The following SRRM4 variants were observed in gnomAD, a reference collection of about 807,000 sequenced individuals.
SRRM4 encodes the protein serine/arginine repetitive matrix 4.
SRRM4 carries 33 observed loss-of-function variants against 68.9 expected under a neutral mutation model. That is an observed-to-expected ratio of 0.48 (90% confidence interval 0.36 to 0.64). The LOEUF (loss-of-function observed/expected upper bound fraction) is 0.64, where lower values mean the gene tolerates loss of function less well. Ranked by LOEUF, SRRM4 falls within the 30% of genes least tolerant of loss-of-function variation. SRRM4 has a pLI of 0.00. For synonymous variants in SRRM4, 318 were observed against 318.8 expected (o/e 1.00, Z 0.03); for missense variants, 817 against 827.1 (o/e 0.99, Z 0.15).
rs368978413 is a variant in SRRM4 at position 119,130,834 on chromosome 12, A to G, written c.771A>G (p.Val257=). 3.7e-6 allele frequency: 6 copies of G among 1,602,606 alleles called. No homozygotes were observed. The highest frequency in any genetic ancestry group is 1.1e-5 in the South Asian group (1 of 90,564). ...TTGGCTACCTGTCAGCCAGGGGTGTAGTAAGTATTCTTCACAGCCTCCTCT... is the reference window on the plus strand; with the variant it reads ...TTGGCTACCTGTCAGCCAGGGGTGTGGTAAGTATTCTTCACAGCCTCCTCT... The part of the protein sequence containing the change: ...QMLGYLSARG[V]ITGSGSAADL... Residue 257 remains valine (V), a splice_region_variant and synonymous_variant, in exon 8 of 13, where the codon GTA becomes GTG. Coordinates refer to ENST00000267260, the MANE Select transcript of SRRM4 (RefSeq NM_194286.4).
chr12:119,119,884 A>G (rs1046014960), intron 4 of SRRM4, among the ~76,000 whole-genome samples: 3 of 152,016 alleles, frequency 2.0e-5, no homozygotes, highest in African/African-American at 7.2e-5. Flanking sequence ...AGATTTACTG[A>G]CAGTTTTGGG....
chr12:119,097,129 T>C (rs965044990), intron 1 of SRRM4, among the ~76,000 whole-genome samples: 5 of 152,180 alleles, frequency 3.3e-5, no homozygotes, highest in South Asian at 4.1e-4. Flanking sequence ...CTTTTAAGTA[T>C]TTTTTAAATG....
intron 1 of SRRM4, among the ~76,000 whole-genome samples, chr12:119,040,503 C>T (rs1462726107): frequency 6.6e-6 from 1 of 152,210 alleles, no homozygotes; most frequent in East Asian, 1.9e-4. Flanking sequence ...CCAGTCTCAT[C>T]CAGGTCATTG....
rs1953838821 is a variant in SRRM4 at position 119,065,285 on chromosome 12, T to G, written c.132-36951T>G. On this transcript the variant is annotated intron_variant, in intron 1 of 12. Transcript: ENST00000267260. ...CACTGTTCTGAGTTGACCCCTGCCC[T>G]CCATCAAAAATGTAGACAGCTCCAA... 4.6e-5 allele frequency among the ~76,000 whole-genome samples: 7 copies of G among 152,282 alleles called. No individual in the cohort carries two copies. In the South Asian group the frequency reaches 1.5e-3, roughly 32 times the overall value.
intron 8 of SRRM4, among the ~76,000 whole-genome samples, chr12:119,135,868 G>A (rs933546171): frequency 5.3e-5 from 8 of 152,052 alleles, no homozygotes; most frequent in African/African-American, 1.2e-4. Flanking sequence ...GCCATTTCAC[G>A]TCTTTGGGCC....
rs890362438 is a variant in SRRM4, at chr12:119,130,580, A to C, written c.615-98A>C. 2.0e-5 allele frequency: 25 copies of C among 1,257,128 alleles called. No homozygotes were observed. The African/African-American group carries it at 2.7e-4, about 14-fold the overall frequency. The allele number at this position is 1,257,128 out of a possible 1,614,324, so 77.9% of individuals were successfully genotyped here. A position where few individuals can be genotyped will look rare whatever the true frequency, so the allele number is the denominator to read the frequency against. The stretch of plus-strand genomic sequence containing the variant: ...ATATGAACATATACAAACACCCCCA[A>C]ACACACTTTATCATCCTCAGATCCT... On this transcript the variant is annotated intron_variant, in intron 7 of 12. Coordinates refer to ENST00000267260, the MANE Select transcript of SRRM4 (RefSeq NM_194286.4).
chr12:118,994,920 A>C (rs1300315021), intron 1 of SRRM4, among the ~76,000 whole-genome samples: 1 of 152,206 alleles, frequency 6.6e-6, no homozygotes, highest in East Asian at 1.9e-4. Flanking sequence ...TAAACCTCAC[A>C]GTTCATGGGT....
At chr12:119,025,045 G>A (rs1477876615) in intron 1 of SRRM4, among the ~76,000 whole-genome samples, 1 of 152,178 alleles carries the variant, frequency 6.6e-6, no homozygotes. Context: ...ATGGATGGGT[G>A]CTTTGATGGA....
At chr12:118,996,567 C>T (rs1248778031) in intron 1 of SRRM4, among the ~76,000 whole-genome samples, 1 of 152,172 alleles carries the variant, frequency 6.6e-6, no homozygotes, top group Non-Finnish European at 1.5e-5. Context: ...CAAGGTCATG[C>T]AAGTTAATAC....
At chr12:119,002,125 C>T (rs894794775) in intron 1 of SRRM4, among the ~76,000 whole-genome samples, 1 of 152,076 alleles carries the variant, frequency 6.6e-6, no homozygotes, top group East Asian at 1.9e-4. Context: ...TTCAATGTGG[C>T]CCTGAGGGGT....
intron 6 of SRRM4, among the ~76,000 whole-genome samples, chr12:119,124,823 G>C (rs917025455): frequency 6.6e-6 from 1 of 150,876 alleles, no homozygotes; most frequent in Non-Finnish European, 1.5e-5. Context: ...GCCCAAAAAG[G>C]TGCCTTTAAA....
Position 119,151,072 on chromosome 12 carries a change from C to A in SRRM4, c.1132C>A (p.Pro378Thr). Residue 378 changes from proline (P) to threonine (T), a missense_variant, in exon 10 of 13, where the codon CCA becomes ACA. Pro to Thr is a conservative substitution (Grantham distance 38, BLOSUM62 -1). Transcript: ENST00000267260. ...CGAAGTGAAGAAGTCCAGTTTGGTC[C>A]CATCCACAGCCCGGAGCTCACCCAT... The part of the protein sequence containing the change: ...CAEVKKSSLV[P>T]STARSSPMKG... 2.5e-6 allele frequency: 4 copies of A among 1,613,954 alleles called. No individual in the cohort carries two copies. The highest frequency in any genetic ancestry group is 3.4e-6 in the Non-Finnish European group (4 of 1,179,898).
At chr12:119,078,029 G>T (rs1400118361) in intron 1 of SRRM4, among the ~76,000 whole-genome samples, 1 of 105,086 alleles carries the variant, frequency 9.5e-6, no homozygotes, top group African/African-American at 3.1e-5. Flanking sequence ...ATCCAGCTGA[G>T]GTCTTATTCA....
chr12:119,121,232 G>C (rs1341183661), intron 5 of SRRM4, among the ~76,000 whole-genome samples: 3 of 152,124 alleles, frequency 2.0e-5, no homozygotes, highest in Non-Finnish European at 4.4e-5. Flanking sequence ...CCTGTGGCTG[G>C]CTTCAAGGTG....
chr12:119,090,887 C>T (rs1420044807), intron 1 of SRRM4, among the ~76,000 whole-genome samples: 11 of 152,152 alleles, frequency 7.2e-5, no homozygotes, highest in Non-Finnish European at 1.6e-4. Context: ...ACAAGGAGAC[C>T]CCTCTGGTGG....
chr12:119,147,806 C>T (rs942957813), intron 9 of SRRM4, among the ~76,000 whole-genome samples: 1 of 152,186 alleles, frequency 6.6e-6, no homozygotes, highest in Non-Finnish European at 1.5e-5. Context: ...AATTCTACTT[C>T]GTCATCCGCT....
At chr12:119,029,668 G>A (rs1328143825) in intron 1 of SRRM4, among the ~76,000 whole-genome samples, 1 of 152,144 alleles carries the variant, frequency 6.6e-6, no homozygotes, top group Non-Finnish European at 1.5e-5. Context: ...CTCAGGGAAA[G>A]AAAATGTAGA....
intron 2 of SRRM4, among the ~76,000 whole-genome samples, chr12:119,109,933 T>C (rs1370483366): frequency 6.6e-6 from 1 of 151,624 alleles, no homozygotes. Context: ...TTTTCTGCTC[T>C]GGTTTCTCCC....
chr12:119,131,366 T>G (rs1487061818), intron 8 of SRRM4, among the ~76,000 whole-genome samples: 2 of 152,218 alleles, frequency 1.3e-5, no homozygotes, highest in African/African-American at 2.4e-5. Flanking sequence ...CATCCTCTCA[T>G]GTAGCCACAC....
Sources: gnomAD v4.1 joint callset for allele counts (sites outside exome capture counted in the v4.1 genomes callset) on GRCh38, gnomAD v4.1.1 for gene constraint, MANE v1.5 for transcripts, NCBI Gene and HGNC (gene_info 2026-07-23, HGNC 2026-07-21) for gene names.